TTLL5: variants seen among roughly 807,000 people sequenced by gnomAD.
TTLL5 encodes the protein tubulin tyrosine ligase like 5, also known as tubulin polyglutamylase TTLL5.
TTLL5 carries 132 observed loss-of-function variants against 168.4 expected under a neutral mutation model. The ratio of observed to expected loss-of-function variants is 0.78; its 90% CI spans 0.68 to 0.91. TTLL5 has a LOEUF of 0.91. Among genes scored for constraint, TTLL5 ranks in the 40% least tolerant of loss-of-function variants. The pLI, the probability that TTLL5 is intolerant of heterozygous loss-of-function variation, is 0.00. For synonymous variants in TTLL5, 546 were observed against 558.6 expected (o/e 0.98, Z 0.32); for missense variants, 1,545 against 1,581.5 (o/e 0.98, Z 0.39).
chr14:75,893,915 A>G (rs553537508), intron 30 of TTLL5, among the ~76,000 whole-genome samples: 48 of 152,006 alleles, frequency 3.2e-4, no homozygotes, highest in African/African-American at 1.1e-3. Context: ...AATAGTAAAG[A>G]CTGTATAGAG....
At chr14:75,885,164 G>A (rs113818923) in intron 30 of TTLL5, among the ~76,000 whole-genome samples, 1,971 of 147,164 alleles carry the variant, frequency 0.013, 39 homozygotes, top group African/African-American at 0.047. Flanking sequence ...GACAGAACAA[G>A]ACCCCGTCTC....
At position 75,856,775 on chromosome 14, in the gene TTLL5, C is replaced by T. The variant is rs138269587; in HGVS notation, c.3327-6892C>T. 8.0e-4 allele frequency among the ~76,000 whole-genome samples: 121 copies of T among 151,970 alleles called. 1 individual carries two copies. Among genetic ancestry groups the T allele is most frequent in the African/African-American group, 2.5e-3 (103 of 41,478 alleles). The stretch of plus-strand genomic sequence containing the variant: ...CCCAGTAGCTGGGACTACAGGCACC[C>T]GCCACCACTCCTGGCTAATTTTTGT... On this transcript the variant is annotated intron_variant, in intron 28 of 31. Coordinates refer to ENST00000298832, the MANE Select transcript of TTLL5 (RefSeq NM_015072.5).
intron 27 of TTLL5, among the ~76,000 whole-genome samples, chr14:75,806,751 G>A (rs1893681013): frequency 6.6e-6 from 1 of 152,114 alleles, no homozygotes; most frequent in Non-Finnish European, 1.5e-5. Context: ...TGACTCATTG[G>A]TAGTACTCAA....
chr14:75,853,390 TC>T (rs1686362748), intron 28 of TTLL5, among the ~76,000 whole-genome samples: 1 of 152,346 alleles, frequency 6.6e-6, no homozygotes, highest in African/African-American at 2.4e-5. Flanking sequence ...TGACATTTTT[TC>T]ACCTCCTCAT....
At chr14:75,729,243 A>G (rs1297209414) in intron 12 of TTLL5, among the ~76,000 whole-genome samples, 2 of 152,186 alleles carry the variant, frequency 1.3e-5, no homozygotes, top group African/African-American at 4.8e-5. Flanking sequence ...AGGAGCTCTC[A>G]GAACTGGAAA....
At chr14:75,848,143 C>T (rs1311975699) in intron 28 of TTLL5, among the ~76,000 whole-genome samples, 3 of 151,936 alleles carry the variant, frequency 2.0e-5, no homozygotes, top group African/African-American at 7.3e-5. Context: ...AGGCAGGTTA[C>T]TGGAGCCAGA....
intron 30 of TTLL5, among the ~76,000 whole-genome samples, chr14:75,894,403 A>G (rs565223372): frequency 1.3e-5 from 2 of 152,170 alleles, no homozygotes; most frequent in African/African-American, 2.4e-5. Context: ...AATACAAAAA[A>G]TTAGCTGGGC....
chr14:75,954,544 T>C lies in TTLL5; in HGVS notation c.*98T>C, dbSNP rs1293847926. On this transcript the variant is annotated 3_prime_UTR_variant, in exon 32 of 32. Coordinates refer to ENST00000298832, the MANE Select transcript of TTLL5 (RefSeq NM_015072.5). ...ACTTCAAGGGGTCCATAGTATTTTT[T>C]TTTTTGCTGCCTCAAAGTCCCCAAA... is the stretch of plus-strand genomic sequence containing the variant. 1 of 1,431,268 alleles carries C rather than the reference T, an allele frequency of 7.0e-7. No individual in the cohort carries two copies. Among genetic ancestry groups the C allele is most frequent in the Non-Finnish European group, 9.7e-7 (1 of 1,034,910 alleles). 88.7% of individuals were successfully genotyped at this position (1,431,268 alleles called of 1,614,324 possible).
intron 27 of TTLL5, among the ~76,000 whole-genome samples, chr14:75,816,468 GTGGTAAC>G (rs1481921999): frequency 1.3e-5 from 2 of 152,160 alleles, no homozygotes; most frequent in Non-Finnish European, 2.9e-5. Context: ...TGTTCCATAA[GTGGTAAC>G]TGTTAAGATG....
chr14:75,909,452 C>A (rs112006944), intron 31 of TTLL5, among the ~76,000 whole-genome samples: 1,694 of 151,786 alleles, frequency 0.011, 29 homozygotes, highest in African/African-American at 0.04. Flanking sequence ...CTTTTCCCCC[C>A]ACTGCTGTCT....
In TTLL5 at chr14:75,720,688, C is replaced by A. The variant is rs534989089; in HGVS notation, c.1027C>A (p.Arg343Ser). 6.2e-7 allele frequency: 1 copy of A among 1,613,356 alleles called. No homozygotes were observed. Among genetic ancestry groups the A allele is most frequent in the East Asian group, 2.2e-5 (1 of 44,868 alleles). Residue 343 changes from arginine (R) to serine (S), a missense_variant, in exon 12 of 32, where the codon CGC (arginine) becomes AGC (serine). By Grantham distance (110) the Arg-to-Ser change is moderately radical (BLOSUM62 -1). Coordinates refer to ENST00000298832, the MANE Select transcript of TTLL5 (RefSeq NM_015072.5). ...ATACKTFVPH[R>S]SSCFELYGFD... is the part of the protein sequence containing the mutation. ...TGCCTGTAAAACCTTTGTTCCTCAT[C>A]GCAGCAGTTGTTTTGGTAAGGAGAC...
At chr14:75,749,355 T>A (rs1251137623) in intron 17 of TTLL5, among the ~76,000 whole-genome samples, 1 of 152,132 alleles carries the variant, frequency 6.6e-6, no homozygotes, top group Non-Finnish European at 1.5e-5. Flanking sequence ...ACTAGGTTGG[T>A]TTTGAACTAG....
chr14:75,792,817 T>G (rs1451342806), intron 26 of TTLL5, 99 bp from the exon 27 acceptor site: 2 of 1,014,434 alleles, frequency 2.0e-6, no homozygotes, highest in African/African-American at 3.3e-5. Flanking sequence ...TCCTTAGGGT[T>G]CAGTAAAGTA....
chr14:75,662,727 A>G (rs190074680), intron 1 of TTLL5, among the ~76,000 whole-genome samples: 3 of 152,300 alleles, frequency 2.0e-5, no homozygotes, highest in African/African-American at 4.8e-5. Flanking sequence ...TTAGGGAATC[A>G]GTCACCTGCC....
intron 3 of TTLL5, among the ~76,000 whole-genome samples, chr14:75,671,843 C>G (rs1233624954): frequency 6.6e-6 from 1 of 152,126 alleles, no homozygotes; most frequent in Non-Finnish European, 1.5e-5. Flanking sequence ...TTAGTTCTTT[C>G]TCTCCAACGT....
At chr14:75,833,423 A>C (rs898646521) in intron 28 of TTLL5, among the ~76,000 whole-genome samples, 1 of 152,152 alleles carries the variant, frequency 6.6e-6, no homozygotes, top group Non-Finnish European at 1.5e-5. Context: ...TTTATTTTAA[A>C]ATATCGAAGA....
intron 28 of TTLL5, among the ~76,000 whole-genome samples, chr14:75,828,686 C>CT (rs1007376289): frequency 6.6e-6 from 1 of 152,156 alleles, no homozygotes. Flanking sequence ...CCAAGTAAAA[C>CT]TAAGTAAATG....
intron 10 of TTLL5, 80 bp from the exon 11 acceptor site, chr14:75,719,655 A>T: frequency 4.7e-6 from 6 of 1,276,470 alleles, no homozygotes; most frequent in Non-Finnish European, 6.3e-6. Flanking sequence ...TAAAAAGACA[A>T]GAAGGCTATT....
At chr14:75,681,353 C>T (rs1884597235) in intron 3 of TTLL5, among the ~76,000 whole-genome samples, 192 bp from the exon 4 acceptor site, 1 of 152,102 alleles carries the variant, frequency 6.6e-6, no homozygotes. Context: ...AATTTTTCCC[C>T]CATCTATGTC....
Sources: allele counts gnomAD v4.1 joint callset (sites outside exome capture counted in the v4.1 genomes callset), GRCh38; gene constraint gnomAD v4.1.1; transcripts MANE v1.5; gene names NCBI Gene and HGNC (gene_info 2026-07-23, HGNC 2026-07-21).